Variants in ABHD2 observed in about 807,000 individuals in gnomAD.
The protein encoded by ABHD2 is abhydrolase domain containing 2, acylglycerol lipase.
Under a neutral mutation model 48.1 loss-of-function variants are expected in ABHD2, and 20 were observed. The observed-to-expected ratio is 0.42, with a 90% confidence interval of 0.29 to 0.60. The LOEUF is 0.60. ABHD2 is among the 20% of genes least tolerant of loss of function. ABHD2 has a pLI of 0.24. For synonymous variants in ABHD2, 209 were observed against 214.2 expected, an observed-to-expected ratio of 0.98 and a Z score of 0.21; for missense variants, 405 against 550.9, an observed-to-expected ratio of 0.74 and a Z score of 2.65.
chr15:89,076,742 C>T, the ABHD2 span, among the ~76,000 whole-genome samples: 2 of 152,206 alleles, frequency 1.3e-5, no homozygotes, highest in Non-Finnish European at 2.9e-5. Context: ...CCCCAGCCTT[C>T]CAAAGTGCTA....
chr15:89,151,906 T>C lies in ABHD2; in HGVS notation c.370+54T>C, dbSNP rs2150888471. 6.3e-7 allele frequency: 1 copy of C among 1,588,676 alleles called. No homozygotes were observed. The highest frequency in any genetic ancestry group is 8.6e-7 in the Non-Finnish European group (1 of 1,165,932). On this transcript the variant is annotated intron_variant, in intron 4 of 10. Transcript: ENST00000352732. The surrounding 1 kb of genome is among the most constrained non-coding windows in gnomAD (Gnocchi z 4.7). ...CCATCACTCAGAGAAGGAGCACTAGTCAGTGGAGAGCACAGCAGTGTGAAT... is the reference window on the plus strand; with the variant it reads ...CCATCACTCAGAGAAGGAGCACTAGCCAGTGGAGAGCACAGCAGTGTGAAT...
At chr15:89,181,529 G>A (rs915971834) in intron 6 of ABHD2, among the ~76,000 whole-genome samples, 1 of 151,618 alleles carries the variant, frequency 6.6e-6, no homozygotes, top group African/African-American at 2.4e-5. Context: ...CCCTTTTTGG[G>A]GTGTTAAGGT....
chr15:89,176,135 T>G lies in ABHD2; in HGVS notation c.722+140T>G. On this transcript the variant is annotated intron_variant, in intron 6 of 10. Coordinates refer to ENST00000352732, the MANE Select transcript of ABHD2 (RefSeq NM_152924.5). The surrounding 1 kb of genome is among the most constrained non-coding windows in gnomAD (Gnocchi z 4.5). ...GAAGTTTCTGAGTCTTGGACTCACC[T>G]TGTTTTGTCTGCATATCATACATTG... 1.1e-6 allele frequency: 1 copy of G among 895,580 alleles called. No homozygotes were observed. The highest frequency in any genetic ancestry group is 1.6e-6 in the Non-Finnish European group (1 of 610,578). The allele number at this position is 895,580 out of a possible 1,614,324, so 55.5% of individuals were successfully genotyped here.
chr15:89,108,165 G>C (rs1020582263), intron 1 of ABHD2, among the ~76,000 whole-genome samples: 1 of 152,212 alleles, frequency 6.6e-6, no homozygotes, highest in African/African-American at 2.4e-5. Flanking sequence ...CCTGAGTCAT[G>C]AGAGGTAATT....
intron 1 of ABHD2, among the ~76,000 whole-genome samples, chr15:89,098,490 A>G (rs141021100): frequency 1.5e-3 from 226 of 152,244 alleles, no homozygotes; most frequent in Middle Eastern, 3.4e-3. Flanking sequence ...GAGGCTTTCC[A>G]CAGTGCTAAC....
Position 89,155,487 on chromosome 15 carries a change from G to C in ABHD2, c.491G>C (p.Gly164Ala). The change falls in exon 5 of 11, where the codon GGT becomes GCT. Residue 164 changes from glycine (G) to alanine (A), a missense_variant. Transcript: ENST00000352732. The surrounding 1 kb of genome is among the most constrained non-coding windows in gnomAD (Gnocchi z 4.9). ...GYRCAVLNHLGALPNIELTSP... is the reference protein window; with the variant it reads ...GYRCAVLNHLAALPNIELTSP... ...CGGTGCGCCGTGCTGAACCACCTGG[G>C]TGCCCTGCCCAACATTGAATTGACC... 1 of 1,614,104 alleles carries C rather than the reference G, an allele frequency of 6.2e-7. No homozygotes were observed. The highest frequency in any genetic ancestry group is 8.5e-7 in the Non-Finnish European group (1 of 1,180,000).
rs1285746896 is a variant in ABHD2 at position 89,182,007 on chromosome 15, A to G, written c.723-3417A>G. Among the ~76,000 whole-genome samples the G allele has an allele frequency of 1.3e-5, 2 of 152,216 alleles. No homozygotes were observed. Among genetic ancestry groups the G allele is most frequent in the Admixed American group, 1.3e-4 (2 of 15,284 alleles). Reference sequence around the variant, plus strand: ...TGGCTTTGAAACCAGTATGGGTCATATTTTATTATAATTTAATGTTACATT... The same window carrying G: ...TGGCTTTGAAACCAGTATGGGTCATGTTTTATTATAATTTAATGTTACATT... On this transcript the variant is annotated intron_variant, in intron 6 of 10. Coordinates refer to ENST00000352732, the MANE Select transcript of ABHD2 (RefSeq NM_152924.5). The surrounding 1 kb of genome is among the most constrained non-coding windows in gnomAD (Gnocchi z 4.8).
rs2051471029 is a variant in ABHD2 at position 89,202,027 on chromosome 15, A to C, written c.*6604A>C. ...TTTTGTTTGGGTTTTCTGAAACTTA[A>C]AATGCTGCCCCGAAAATACTATATT... On this transcript the variant is annotated 3_prime_UTR_variant, in exon 11 of 11. Coordinates refer to ENST00000352732, the MANE Select transcript of ABHD2 (RefSeq NM_152924.5). The C allele has an allele frequency of 7.3e-6, 3 of 409,410 alleles. No homozygotes were observed. The South Asian group carries it at 9.0e-5, about 12-fold the overall frequency. The allele number at this position is 409,410 out of a possible 1,614,324, so 25.4% of individuals were successfully genotyped here.
At chr15:89,123,012 C>G (rs2050076303) in intron 3 of ABHD2, among the ~76,000 whole-genome samples, 1 of 152,146 alleles carries the variant, frequency 6.6e-6, no homozygotes, top group Non-Finnish European at 1.5e-5. Context: ...TACTTTCTTC[C>G]CCAGAGATGC....
rs1321942975 is a variant in ABHD2 at position 89,176,232 on chromosome 15, A to T, written c.722+237A>T. On this transcript the variant is annotated intron_variant, in intron 6 of 10. Transcript: ENST00000352732. This position sits in a 1 kb window ranked among gnomAD's most constrained non-coding sequence, Gnocchi z 4.5. The stretch of plus-strand genomic sequence containing the variant: ...TTGGGGTCAGATCTGTAATTGGAGA[A>T]GTAAAACCCCCTTTGATAGTTGCTG... Among the ~76,000 whole-genome samples the T allele has an allele frequency of 1.3e-5, 2 of 152,168 alleles. No homozygotes were observed. The highest frequency in any genetic ancestry group is 2.4e-5 in the African/African-American group (1 of 41,436).
the ABHD2 span, among the ~76,000 whole-genome samples, chr15:89,079,271 A>C: frequency 6.6e-6 from 1 of 152,212 alleles, no homozygotes; most frequent in African/African-American, 2.4e-5. This position sits in a 1 kb window ranked among gnomAD's most constrained non-coding sequence, Gnocchi z 4.3. Flanking sequence ...GCCGCATAGG[A>C]AAGTAATCTC....
chr15:89,174,058 C>T lies in ABHD2; in HGVS notation c.539-1754C>T, dbSNP rs758090966. On this transcript the variant is annotated intron_variant, in intron 5 of 10. Transcript: ENST00000352732. This position sits in a 1 kb window ranked among gnomAD's most constrained non-coding sequence, Gnocchi z 4.1. ...CTCCAGGGGTGTCAAAAATATTCTG[C>T]GTCTTCATCTGGGCAATGCTTACCT... Among the ~76,000 whole-genome samples, 9 of 152,080 alleles carry T rather than the reference C, an allele frequency of 5.9e-5. No homozygotes were observed. Among genetic ancestry groups the T allele is most frequent in the South Asian group, 2.1e-4 (1 of 4,812 alleles).
intron 3 of ABHD2, among the ~76,000 whole-genome samples, chr15:89,121,224 C>T (rs1019885204): frequency 1.3e-5 from 2 of 152,158 alleles, no homozygotes; most frequent in African/African-American, 4.8e-5. Context: ...CCTTGGTTTC[C>T]TTCTATGTAA....
At chr15:89,194,829 T>A (rs1291160781) in intron 10 of ABHD2, among the ~76,000 whole-genome samples, 1 of 152,156 alleles carries the variant, frequency 6.6e-6, no homozygotes, top group African/African-American at 2.4e-5. Flanking sequence ...GCTTGAGCAA[T>A]ACCAACACTT....
At chr15:89,148,589 C>T (rs1260873619) in intron 3 of ABHD2, among the ~76,000 whole-genome samples, 2 of 152,216 alleles carry the variant, frequency 1.3e-5, no homozygotes, top group Non-Finnish European at 2.9e-5. Context: ...CATCACAGTG[C>T]CTTCTGTATG....
chr15:89,049,775 C>G, the ABHD2 span, among the ~76,000 whole-genome samples: 1 of 152,240 alleles, frequency 6.6e-6, no homozygotes, highest in African/African-American at 2.4e-5. Context: ...ACCCACTGAC[C>G]TGCGCCCACT....
In ABHD2 at chr15:89,196,852, T is replaced by C. The variant is rs1003994191; in HGVS notation, c.*1429T>C. 2 of 152,660 alleles carry C rather than the reference T, an allele frequency of 1.3e-5. No individual in the cohort carries two copies. The highest frequency in any genetic ancestry group is 2.9e-5 in the Non-Finnish European group (2 of 68,046). 9.5% of individuals were successfully genotyped at this position (152,660 alleles called of 1,614,324 possible). On this transcript the variant is annotated 3_prime_UTR_variant, in exon 11 of 11. Transcript: ENST00000352732. ...AAACGCAACTCTAGGTTTCAAGTAC[T>C]CCTTTTCTCCGATCCTGTGGTACTT...
chr15:89,121,773 C>G (rs1223113029), intron 3 of ABHD2, among the ~76,000 whole-genome samples: 1 of 152,142 alleles, frequency 6.6e-6, no homozygotes, highest in Non-Finnish European at 1.5e-5. Context: ...TATCCCAGAT[C>G]CCCTCTTTTT....
At chr15:89,054,879 A>G in the ABHD2 span, among the ~76,000 whole-genome samples, 4 of 152,194 alleles carry the variant, frequency 2.6e-5, no homozygotes, top group African/African-American at 9.6e-5. Flanking sequence ...AAATAAATTA[A>G]AAATTGTCAT....
Sources: allele counts gnomAD v4.1 joint callset (sites outside exome capture counted in the v4.1 genomes callset), GRCh38; gene constraint gnomAD v4.1.1; non-coding constraint Gnocchi (gnomAD v3.1); transcripts MANE v1.5; gene names NCBI Gene and HGNC (gene_info 2026-07-23, HGNC 2026-07-21).